Variants in PLEKHD1 observed in about 807,000 individuals in gnomAD.
PLEKHD1 encodes pleckstrin homology domain-containing family D member 1.
PLEKHD1 carries 51 observed loss-of-function variants against 69.2 expected under a neutral mutation model. That is an observed-to-expected ratio of 0.74 (90% CI 0.59 to 0.93). The LOEUF (loss-of-function observed/expected upper bound fraction) is 0.93. Among genes scored for constraint, PLEKHD1 ranks in the 40% least tolerant of loss-of-function variants. The pLI is 0.00. For missense variants in PLEKHD1, 584 were observed against 641.0 expected (o/e 0.91, Z 0.96); for synonymous variants, 236 against 244.7 (o/e 0.96, Z 0.33).
At chr14:69,519,187 C>T (rs1465399108) in intron 6 of PLEKHD1, among the ~76,000 whole-genome samples, 3 of 152,244 alleles carry the variant, frequency 2.0e-5, no homozygotes, top group African/African-American at 7.2e-5. Flanking sequence ...CTTCATTATT[C>T]ATAAATGCTT....
chr14:69,471,965 G>A, the PLEKHD1 span, among the ~76,000 whole-genome samples: 4 of 152,110 alleles, frequency 2.6e-5, no homozygotes, highest in Non-Finnish European at 4.4e-5. Flanking sequence ...CTGGTGAAAC[G>A]GCTGCTTCAC....
intron 9 of PLEKHD1, 119 bp from the exon 10 acceptor site, chr14:69,526,578 G>T: frequency 7.9e-7 from 1 of 1,258,952 alleles, no homozygotes; most frequent in Admixed American, 3.3e-5. Flanking sequence ...AAGTTCAGGG[G>T]CTCATAAAGC....
At chr14:69,510,459 A>G (rs1883245955) in intron 6 of PLEKHD1, among the ~76,000 whole-genome samples, 1 of 152,066 alleles carries the variant, frequency 6.6e-6, no homozygotes, top group South Asian at 2.1e-4. Flanking sequence ...GTCAATGGTA[A>G]TGTGTTGTTA....
upstream of PLEKHD1, among the ~76,000 whole-genome samples, chr14:69,481,369 A>G (rs1047702048): frequency 6.6e-6 from 1 of 152,262 alleles, no homozygotes; most frequent in Non-Finnish European, 1.5e-5. Context: ...ATCCCTGAGC[A>G]CAGCTAAAAT....
intron 12 of PLEKHD1, 42 bp from the exon 13 acceptor site, chr14:69,528,208 G>A (rs1359612790): frequency 3.9e-6 from 6 of 1,548,270 alleles, no homozygotes; most frequent in South Asian, 1.2e-5. Context: ...CCTTCGTGGA[G>A]GGAGCACTGT....
At chr14:69,520,622 G>A (rs1040151212) in intron 6 of PLEKHD1, among the ~76,000 whole-genome samples, 3 of 152,152 alleles carry the variant, frequency 2.0e-5, no homozygotes, top group South Asian at 4.2e-4. Flanking sequence ...CCAGCTACTC[G>A]GGAGGCTGGA....
upstream of PLEKHD1, among the ~76,000 whole-genome samples, chr14:69,480,898 C>T (rs888911557): frequency 2.6e-5 from 4 of 152,210 alleles, no homozygotes; most frequent in Non-Finnish European, 5.9e-5. Flanking sequence ...AGTGATCCAC[C>T]CATCTCGGCC....
At chr14:69,487,207 A>ACACACG (rs1187174513) in intron 1 of PLEKHD1, among the ~76,000 whole-genome samples, 3 of 151,708 alleles carry the variant, frequency 2.0e-5, no homozygotes, top group African/African-American at 7.3e-5. Flanking sequence ...ACACACACAC[A>ACACACG]CACACACACA....
intron 6 of PLEKHD1, chr14:69,503,197 C>T: frequency 5.2e-6 from 2 of 382,116 alleles, no homozygotes; most frequent in Non-Finnish European, 1.0e-5. Context: ...TTCACGGGAG[C>T]TATAATGCCC....
chr14:69,510,297 G>A (rs1883242670), intron 6 of PLEKHD1, among the ~76,000 whole-genome samples: 1 of 152,168 alleles, frequency 6.6e-6, no homozygotes, highest in African/African-American at 2.4e-5. Flanking sequence ...ATGATATCTT[G>A]CAAATATTGA....
chr14:69,513,260 A>G (rs1883311536), intron 6 of PLEKHD1, among the ~76,000 whole-genome samples: 1 of 151,596 alleles, frequency 6.6e-6, no homozygotes, highest in African/African-American at 2.4e-5. Flanking sequence ...AATAAAATAA[A>G]ATAAAATAAA....
In PLEKHD1 at chr14:69,485,037, T is replaced by C. The variant is rs1882623347; in HGVS notation, c.72T>C (p.Asp24=). The change falls in exon 1 of 13, where the codon GAT becomes GAC. Residue 24 remains aspartate, a synonymous_variant. Coordinates refer to ENST00000322564, the MANE Select transcript of PLEKHD1 (RefSeq NM_001161498.2). ...AGCAGGCTGACTCGGACGCCCTGGATATCAGCACCAAAGTGCAGCTCTACG... is the reference window on the plus strand; with the variant it reads ...AGCAGGCTGACTCGGACGCCCTGGACATCAGCACCAAAGTGCAGCTCTACG... ...SLEQADSDAL[D]ISTKVQLYGV... 3 of 1,551,260 alleles carry C rather than the reference T, an allele frequency of 1.9e-6. No individual in the cohort carries two copies. In the African/African-American group the frequency reaches 4.1e-5, roughly 21 times the overall value.
At chr14:69,509,062 G>T (rs1480397757) in intron 6 of PLEKHD1, among the ~76,000 whole-genome samples, 1 of 152,156 alleles carries the variant, frequency 6.6e-6, no homozygotes, top group African/African-American at 2.4e-5. Flanking sequence ...ATGGGGTCTT[G>T]CTCTGTTGCC....
chr14:69,521,349 T>G (rs1017812630), intron 6 of PLEKHD1, among the ~76,000 whole-genome samples: 8 of 152,266 alleles, frequency 5.3e-5, no homozygotes, highest in African/African-American at 1.9e-4. Flanking sequence ...TGCCTCATGT[T>G]TTATTCCTTC....
intron 1 of PLEKHD1, among the ~76,000 whole-genome samples, chr14:69,491,223 A>G (rs1003709304): frequency 6.6e-6 from 1 of 152,228 alleles, no homozygotes; most frequent in Non-Finnish European, 1.5e-5. Flanking sequence ...CCAGCCTTCC[A>G]CACTGCTGCA....
Position 69,527,921 on chromosome 14 carries a change from C to T in PLEKHD1, c.1340C>T (p.Ser447Phe). The change falls in exon 12 of 13, where the codon TCC becomes TTC. Residue 447 changes from serine to phenylalanine, a missense_variant. Coordinates refer to ENST00000322564, the MANE Select transcript of PLEKHD1 (RefSeq NM_001161498.2). The part of the protein sequence containing the change: ...CRFHRRRSST[S>F]WNDMKPSQSF... ...TTCCACCGACGCCGGTCCAGCACCT[C>T]CTGGAATGACAGTGAGTGTGGCTGT... The T allele has an allele frequency of 1.3e-6, 2 of 1,551,538 alleles. No homozygotes were observed. Among genetic ancestry groups the T allele is most frequent in the South Asian group, 1.2e-5 (1 of 84,062 alleles).
At chr14:69,504,702 G>T (rs1883112783) in intron 6 of PLEKHD1, among the ~76,000 whole-genome samples, 1 of 152,074 alleles carries the variant, frequency 6.6e-6, no homozygotes. Flanking sequence ...TCATTTCATT[G>T]ATTAAAGAGA....
intron 6 of PLEKHD1, among the ~76,000 whole-genome samples, chr14:69,508,907 G>A (rs1441118214): frequency 6.6e-6 from 1 of 152,228 alleles, no homozygotes; most frequent in African/African-American, 2.4e-5. Flanking sequence ...ATGGCCCTCA[G>A]TAAGCCTTTT....
At chr14:69,526,612 C>A (rs1282442991) in intron 9 of PLEKHD1, 85 bp from the exon 10 acceptor site, 2 of 1,408,914 alleles carry the variant, frequency 1.4e-6, no homozygotes, top group Admixed American at 6.1e-5. Flanking sequence ...TTTCTCCAGC[C>A]CAGGTCTCTA....
Sources: allele counts gnomAD v4.1 joint callset (sites outside exome capture counted in the v4.1 genomes callset), GRCh38; gene constraint gnomAD v4.1.1; transcripts MANE v1.5; gene names NCBI Gene and HGNC (gene_info 2026-07-23, HGNC 2026-07-21).